Variants in KIAA0753 observed in about 807,000 individuals in gnomAD.
KIAA0753 encodes KIAA0753, also known as protein moonraker.
KIAA0753 carries 114 observed loss-of-function variants against 116.9 expected under a neutral mutation model. The ratio of observed to expected loss-of-function variants is 0.98; its 90% CI spans 0.84 to 1.14. KIAA0753 has a LOEUF of 1.14. Ranked by LOEUF, KIAA0753 falls within the 50% of genes most tolerant of loss-of-function variation. The pLI, the probability that KIAA0753 is intolerant of heterozygous loss-of-function variation, is 0.00. For missense variants in KIAA0753, 1,156 were observed against 1,172.4 expected (o/e 0.99, Z 0.20); for synonymous variants, 405 against 413.1 (o/e 0.98, Z 0.24).
chr17:6,591,055 A>AG (rs879614999), intron 16 of KIAA0753, among the ~76,000 whole-genome samples: 6,261 of 62,246 alleles, frequency 0.1, 236 homozygotes, highest in Middle Eastern at 0.14. Flanking sequence ...AAGAAGAAGA[A>AG]GAAGAAGAAG....
chr17:6,579,673 T>G lies in KIAA0753; in HGVS notation c.*74A>C. 2.8e-6 allele frequency: 3 copies of G among 1,053,744 alleles called. No homozygotes were observed. Among genetic ancestry groups the G allele is most frequent in the Non-Finnish European group, 4.4e-6 (3 of 682,576 alleles). 65.3% of individuals were successfully genotyped at this position (1,053,744 alleles called of 1,614,324 possible). A position where few individuals can be genotyped will look rare whatever the true frequency, so the allele number is the denominator to read the frequency against. ...GGATGGACAGCTGAGGATGAAAATT[T>G]CCTGTGGGCCAAAACAAAGGGTGGT... On this transcript the variant is annotated 3_prime_UTR_variant, in exon 19 of 19. Coordinates refer to ENST00000361413, the MANE Select transcript of KIAA0753 (RefSeq NM_014804.3).
chr17:6,606,842 C>A, intron 12 of KIAA0753, 31 bp downstream of exon 12: 1 of 1,568,960 alleles, frequency 6.4e-7, no homozygotes. Context: ...AGGCAAACAT[C>A]CACTATTCTT....
intron 2 of KIAA0753, among the ~76,000 whole-genome samples, chr17:6,629,284 G>C (rs1415003436): frequency 6.6e-6 from 1 of 152,104 alleles, no homozygotes; most frequent in Non-Finnish European, 1.5e-5. Flanking sequence ...GTTTTTGTCA[G>C]TTTTCCTCAT....
At chr17:6,584,820 C>T (rs1181853262) in intron 18 of KIAA0753, among the ~76,000 whole-genome samples, 1 of 152,204 alleles carries the variant, frequency 6.6e-6, no homozygotes, top group Non-Finnish European at 1.5e-5. Context: ...TTTTTAAACA[C>T]TTTGCCCACC....
At position 6,579,585 on chromosome 17, in the gene KIAA0753, T is replaced by C. The variant is rs533122351; in HGVS notation, c.*162A>G. The C allele has an allele frequency of 2.2e-5, 14 of 635,588 alleles. No individual in the cohort carries two copies. The highest frequency in any genetic ancestry group is 1.9e-4 in the South Asian group (10 of 53,054). 39.4% of individuals were successfully genotyped at this position (635,588 alleles called of 1,614,324 possible). ...GAACCATTGCCATGACAAAAGAAAA[T>C]GCAAAGTGAGGATGACCTCCCCGGC... On this transcript the variant is annotated 3_prime_UTR_variant, in exon 19 of 19. Coordinates refer to ENST00000361413, the MANE Select transcript of KIAA0753 (RefSeq NM_014804.3).
At position 6,610,068 on chromosome 17, in the gene KIAA0753, G is replaced by A; in HGVS notation, c.1638C>T (p.Asn546=). 12 of 1,614,078 alleles carry A rather than the reference G, an allele frequency of 7.4e-6. No individual in the cohort carries two copies. Among genetic ancestry groups the A allele is most frequent in the Non-Finnish European group, 9.3e-6 (11 of 1,179,998 alleles). ...QTTVSSRLKM[N]RQPVKDRKAP... is the part of the protein sequence containing the mutation. ...CCTTGCGGTCTTTCACAGGCTGCCGGTTCATTTTTAATCTGGATGAAACTG... is the reference window on the plus strand; with the variant it reads ...CCTTGCGGTCTTTCACAGGCTGCCGATTCATTTTTAATCTGGATGAAACTG... Residue 546 remains asparagine, a synonymous_variant, in exon 9 of 19, where the codon AAC becomes AAT. Transcript: ENST00000361413.
At position 6,607,178 on chromosome 17, in the gene KIAA0753, TA is replaced by T; in HGVS notation, c.1919+2del. On this transcript the variant is annotated splice_donor_variant, in intron 11 of 18. Transcript: ENST00000361413. LOFTEE classifies it high-confidence loss of function. Reference sequence around the variant, plus strand: ...TTTTCCTAACTCAGAAGCAAATATTTACCTCTGTTTTTGCATGCTGTCAATT... The same window carrying T: ...TTTTCCTAACTCAGAAGCAAATATTTCCTCTGTTTTTGCATGCTGTCAATT... The T allele has an allele frequency of 6.2e-7, 1 of 1,611,352 alleles. No homozygotes were observed. The highest frequency in any genetic ancestry group is 8.5e-7 in the Non-Finnish European group (1 of 1,177,468).
chr17:6,600,978 T>A (rs894768218), intron 12 of KIAA0753: 7 of 156,600 alleles, frequency 4.5e-5, no homozygotes, highest in African/African-American at 1.7e-4. Context: ...ATCCAAGTAC[T>A]AACCAGGCCC....
chr17:6,600,701 C>A (rs1450002574), intron 12 of KIAA0753, among the ~76,000 whole-genome samples: 1 of 152,056 alleles, frequency 6.6e-6, no homozygotes, highest in Non-Finnish European at 1.5e-5. Flanking sequence ...TGTTCCTAGG[C>A]CTTACTTTAT....
chr17:6,620,745 T>C (rs369508769), intron 7 of KIAA0753, 43 bp downstream of exon 7: 1 of 1,583,762 alleles, frequency 6.3e-7, no homozygotes, highest in Non-Finnish European at 8.7e-7. Flanking sequence ...CAGATAATTG[T>C]AATGAATAAA....
chr17:6,580,767 G>A (rs192077509), intron 18 of KIAA0753, among the ~76,000 whole-genome samples: 11 of 152,172 alleles, frequency 7.2e-5, no homozygotes, highest in African/African-American at 2.6e-4. Flanking sequence ...AACCAGAGGC[G>A]ACCAGAAACT....
Position 6,628,345 on chromosome 17 carries a change from C to G in KIAA0753, c.490G>C (p.Val164Leu), listed in dbSNP as rs759518156. ...ACQCSHQPSK[V>L]EISSSGAKVY... ...TTGGCACCAGAGCTGGAGATTTCTA[C>G]TTTGGATGGCTGGTGGCTACACTGA... The change falls in exon 3 of 19, where the codon GTA becomes CTA. Residue 164 changes from valine (V) to leucine (L), a missense_variant. Val to Leu is a conservative substitution (Grantham distance 32). Transcript: ENST00000361413. The G allele has an allele frequency of 6.2e-7, 1 of 1,614,148 alleles. No individual in the cohort carries two copies. The highest frequency in any genetic ancestry group is 8.5e-7 in the Non-Finnish European group (1 of 1,180,020).
intron 7 of KIAA0753, among the ~76,000 whole-genome samples, chr17:6,619,215 C>T (rs8065818): frequency 0.017 from 2,591 of 150,236 alleles, 36 homozygotes; most frequent in African/African-American, 0.034. Flanking sequence ...GACAACGGAG[C>T]GAGATTCCAC....
At chr17:6,612,278 G>A (rs1970606316) in intron 7 of KIAA0753, 130 bp from the exon 8 acceptor site, 1 of 674,640 alleles carries the variant, frequency 1.5e-6, no homozygotes, top group East Asian at 2.7e-5. Flanking sequence ...ATGTTTTGTT[G>A]TCAACATTGT....
rs745599763 is a variant in KIAA0753, at chr17:6,596,225, G to C, written c.2291C>G (p.Ala764Gly). ...HAKILGSETL[A>G]TVEDSKDSPD... ...GCTATCCTTGCTGTCCTCAACGGTGGCTAAGGTTTCAGACCCCAAGATCTT... is the reference window on the plus strand; with the variant it reads ...GCTATCCTTGCTGTCCTCAACGGTGCCTAAGGTTTCAGACCCCAAGATCTT... The change falls in exon 15 of 19, where the codon GCC becomes GGC. Residue 764 changes from alanine to glycine, a missense_variant. By Grantham distance (60) the Ala-to-Gly change is moderately conservative (BLOSUM62 0). Coordinates refer to ENST00000361413, the MANE Select transcript of KIAA0753 (RefSeq NM_014804.3). 8 of 1,613,836 alleles carry C rather than the reference G, an allele frequency of 5.0e-6. No homozygotes were observed. The South Asian group carries it at 6.6e-5, about 13-fold the overall frequency.
intron 13 of KIAA0753, among the ~76,000 whole-genome samples, chr17:6,600,031 T>C (rs1969753204): frequency 6.6e-6 from 1 of 152,144 alleles, no homozygotes; most frequent in African/African-American, 2.4e-5. Context: ...ATAGAGCTCA[T>C]CATTCCAAAC....
At chr17:6,595,786 G>T (rs187645512) in intron 15 of KIAA0753, among the ~76,000 whole-genome samples, 2 of 152,332 alleles carry the variant, frequency 1.3e-5, no homozygotes, top group East Asian at 3.9e-4. Context: ...GCTGGGAAGA[G>T]GAGGCAACTG....
rs545529218 is a variant in KIAA0753 at position 6,619,162 on chromosome 17, G to A, written c.1315+1626C>T. ...GAGAATTGCTTAAACCTGGGAGGCAGAGGTTGCAGTGAGCCGAGATCACAT... is the reference window on the plus strand; with the variant it reads ...GAGAATTGCTTAAACCTGGGAGGCAAAGGTTGCAGTGAGCCGAGATCACAT... On this transcript the variant is annotated intron_variant, in intron 7 of 18. Transcript: ENST00000361413. Among the ~76,000 whole-genome samples, 41 of 152,146 alleles carry A rather than the reference G, an allele frequency of 2.7e-4. No homozygotes were observed. In the East Asian group the frequency reaches 7.8e-3, roughly 29 times the overall value.
At chr17:6,588,686 T>G (rs1968764782) in intron 18 of KIAA0753, among the ~76,000 whole-genome samples, 1 of 152,212 alleles carries the variant, frequency 6.6e-6, no homozygotes, top group Non-Finnish European at 1.5e-5. Flanking sequence ...AGTATACTAC[T>G]TAGCTCAATG....
Sources: gnomAD v4.1 joint callset for allele counts (sites outside exome capture counted in the v4.1 genomes callset) on GRCh38, gnomAD v4.1.1 for gene constraint, MANE v1.5 for transcripts, NCBI Gene and HGNC (gene_info 2026-07-23, HGNC 2026-07-21) for gene names.